The following PTPRD variants were observed in gnomAD, a reference collection of about 807,000 sequenced individuals.
PTPRD encodes the protein receptor-type tyrosine-protein phosphatase delta.
PTPRD carries 34 observed loss-of-function variants against 214.5 expected under a neutral mutation model. The observed-to-expected ratio is 0.16, with a 90% CI of 0.12 to 0.21. The LOEUF (loss-of-function observed/expected upper bound fraction) is 0.21. Among genes scored for constraint, PTPRD ranks in the 10% least tolerant of loss-of-function variants. PTPRD has a pLI of 1.00. For synonymous variants in PTPRD, 1,128 were observed against 845.7 expected (o/e 1.33, Z -5.79); for missense variants, 2,545 against 2,398.7 (o/e 1.06, Z -1.27).
At chr9:9,984,075 A>T (rs1051504042) in intron 4 of PTPRD, among the ~76,000 whole-genome samples, 1 of 152,166 alleles carries the variant, frequency 6.6e-6, no homozygotes, top group Non-Finnish European at 1.5e-5. Flanking sequence ...TGTTTTATTC[A>T]TACTGTTTTT....
intron 4 of PTPRD, among the ~76,000 whole-genome samples, chr9:9,959,163 G>T (rs576326371): frequency 1.4e-3 from 215 of 152,176 alleles, no homozygotes; most frequent in Non-Finnish European, 2.5e-3. Flanking sequence ...ATATTATTCA[G>T]CAATAAAAAG....
chr9:10,519,049 C>T (rs115174345), intron 2 of PTPRD, among the ~76,000 whole-genome samples: 1 of 151,798 alleles, frequency 6.6e-6, no homozygotes, highest in African/African-American at 2.4e-5. Flanking sequence ...TGCCTCCCAG[C>T]TTTCTGATAC....
intron 11 of PTPRD, among the ~76,000 whole-genome samples, chr9:8,889,019 T>C (rs913776170): frequency 6.6e-6 from 1 of 152,208 alleles, no homozygotes; most frequent in Admixed American, 6.5e-5. Flanking sequence ...TTGCTCAAGA[T>C]ATTAAATAAT....
chr9:8,951,610 A>G (rs949180689), intron 11 of PTPRD, among the ~76,000 whole-genome samples: 5 of 151,926 alleles, frequency 3.3e-5, no homozygotes, highest in African/African-American at 4.8e-5. Flanking sequence ...TCTTTATTGC[A>G]CTGCTAGTCA....
chr9:9,311,035 T>C (rs546210346), intron 9 of PTPRD, among the ~76,000 whole-genome samples: 1 of 151,610 alleles, frequency 6.6e-6, no homozygotes, highest in Admixed American at 6.6e-5. Flanking sequence ...TTCAGCAACC[T>C]TAGCAAATTA....
chr9:9,913,426 C>T (rs2079786305), intron 5 of PTPRD, among the ~76,000 whole-genome samples: 1 of 152,138 alleles, frequency 6.6e-6, no homozygotes, highest in South Asian at 2.1e-4. Flanking sequence ...AGAGTGATCT[C>T]ATCAAGATGG....
chr9:9,657,324 C>T (rs142012882), intron 7 of PTPRD, among the ~76,000 whole-genome samples: 2 of 151,904 alleles, frequency 1.3e-5, no homozygotes, highest in East Asian at 3.9e-4. Flanking sequence ...AAACTGGAAA[C>T]CACCATTCTC....
intron 7 of PTPRD, among the ~76,000 whole-genome samples, chr9:9,620,641 T>C (rs1274386108): frequency 2.6e-5 from 4 of 152,208 alleles, no homozygotes; most frequent in South Asian, 2.1e-4. Context: ...ATTTGAAGGT[T>C]ATGACCTAGG....
At position 8,696,153 on chromosome 9, in the gene PTPRD, TTA is replaced by T. The variant is rs1369573709; in HGVS notation, c.64+37625_64+37626del. Among the ~76,000 whole-genome samples the T allele has an allele frequency of 6.6e-5, 10 of 152,234 alleles. No homozygotes were observed. The South Asian group carries it at 8.3e-4, about 13-fold the overall frequency. ...TTGAGGACCAAACACCACCTTCACG[TTA>T]TGTTTTTCAAGGTAACAACACAACA... On this transcript the variant is annotated intron_variant, in intron 12 of 45. Transcript: ENST00000381196.
chr9:8,935,583 C>G, intron 11 of PTPRD, among the ~76,000 whole-genome samples: 1 of 152,222 alleles, frequency 6.6e-6, no homozygotes, highest in South Asian at 2.1e-4. Context: ...GGAAGCCTAA[C>G]GAATGAATGC....
intron 11 of PTPRD, among the ~76,000 whole-genome samples, chr9:8,827,277 G>T (rs868768246): frequency 4.0e-5 from 6 of 150,924 alleles, no homozygotes; most frequent in Admixed American, 2.6e-4. Context: ...AAATAGATAC[G>T]TGACTCAACC....
intron 5 of PTPRD, among the ~76,000 whole-genome samples, chr9:9,892,574 C>A (rs537150431): frequency 1.3e-5 from 2 of 151,996 alleles, no homozygotes; most frequent in African/African-American, 2.4e-5. Flanking sequence ...AACATTGGAA[C>A]TAGTAAGATG....
chr9:8,449,218 T>C (rs937146048), intron 34 of PTPRD, among the ~76,000 whole-genome samples: 5 of 152,186 alleles, frequency 3.3e-5, no homozygotes, highest in African/African-American at 1.2e-4. Context: ...TTAGTATAGG[T>C]AATATTTAAA....
At chr9:9,202,298 C>T (rs996060574) in intron 9 of PTPRD, among the ~76,000 whole-genome samples, 2 of 152,076 alleles carry the variant, frequency 1.3e-5, no homozygotes, top group East Asian at 1.9e-4. Flanking sequence ...ACCCGAAGTC[C>T]CTATGCAAGA....
chr9:8,675,246 C>A (rs752724200), intron 12 of PTPRD, among the ~76,000 whole-genome samples: 1 of 151,984 alleles, frequency 6.6e-6, no homozygotes, highest in Admixed American at 6.6e-5. Context: ...CCTCTCTAAG[C>A]CTCTAGTTCC....
intron 9 of PTPRD, among the ~76,000 whole-genome samples, chr9:9,347,923 T>C (rs1569567582): frequency 6.6e-6 from 1 of 152,160 alleles, no homozygotes; most frequent in African/African-American, 2.4e-5. Flanking sequence ...CTTATGTCCT[T>C]TTCAGACACA....
At chr9:8,580,977 AT>A (rs2154251240) in intron 14 of PTPRD, among the ~76,000 whole-genome samples, 1 of 152,300 alleles carries the variant, frequency 6.6e-6, no homozygotes, top group East Asian at 1.9e-4. Flanking sequence ...AAATGCCCTA[AT>A]TTTCAATAAT....
intron 8 of PTPRD, among the ~76,000 whole-genome samples, chr9:9,517,926 G>A (rs900343234): frequency 2.6e-5 from 4 of 151,976 alleles, no homozygotes; most frequent in African/African-American, 9.7e-5. Flanking sequence ...AACCTGTGTT[G>A]TATATGCAGA....
intron 5 of PTPRD, among the ~76,000 whole-genome samples, chr9:9,788,528 G>A (rs2154494201): frequency 6.8e-6 from 1 of 146,188 alleles, no homozygotes; most frequent in South Asian, 2.2e-4. Flanking sequence ...CTCCAGCCTG[G>A]GCAACAGTGA....
Sources: allele counts gnomAD v4.1 joint callset (sites outside exome capture counted in the v4.1 genomes callset), GRCh38; gene constraint gnomAD v4.1.1; transcripts MANE v1.5; gene names NCBI Gene and HGNC (gene_info 2026-07-23, HGNC 2026-07-21).